The following ATRNL1 variants were observed in gnomAD, a reference collection of about 807,000 sequenced individuals.
ATRNL1 encodes the protein attractin-like protein 1.
Under a neutral mutation model 182.7 loss-of-function variants are expected in ATRNL1, and 95 were observed. The observed-to-expected ratio is 0.52, with a 90% CI of 0.44 to 0.62. The LOEUF (loss-of-function observed/expected upper bound fraction) is 0.62, where lower values mean the gene tolerates loss of function less well. Ranked by LOEUF, ATRNL1 falls within the 20% of genes least tolerant of loss-of-function variation. The pLI, the probability that ATRNL1 is intolerant of heterozygous loss-of-function variation, is 0.00. For synonymous variants in ATRNL1, 576 were observed against 568.3 expected, an observed-to-expected ratio of 1.01 and a Z score of -0.19; for missense variants, 1,471 against 1,679.5, an observed-to-expected ratio of 0.88 and a Z score of 2.17.
intron 24 of ATRNL1, among the ~76,000 whole-genome samples, chr10:115,508,297 T>TA (rs782342648): frequency 1.3e-5 from 2 of 151,994 alleles, no homozygotes; most frequent in African/African-American, 4.8e-5. Context: ...TCCATCTCCT[T>TA]AGGCCTCCTT....
chr10:115,869,523 T>C (rs1394650079), intron 28 of ATRNL1, among the ~76,000 whole-genome samples: 1 of 152,132 alleles, frequency 6.6e-6, no homozygotes, highest in Admixed American at 6.5e-5. Flanking sequence ...ATATTCCTTC[T>C]GGGAAAGGAG....
At chr10:115,804,730 T>G (rs1949879600) in intron 27 of ATRNL1, among the ~76,000 whole-genome samples, 1 of 152,142 alleles carries the variant, frequency 6.6e-6, no homozygotes, top group African/African-American at 2.4e-5. Flanking sequence ...TTTCAGTGGG[T>G]TGTAACATCA....
intron 28 of ATRNL1, among the ~76,000 whole-genome samples, chr10:115,863,908 A>C (rs1322855752): frequency 6.6e-6 from 1 of 152,204 alleles, no homozygotes; most frequent in Non-Finnish European, 1.5e-5. Flanking sequence ...TGTTAAAAGG[A>C]CTTAGGAGCC....
chr10:115,323,069 ATT>A (rs1294477100), intron 18 of ATRNL1, among the ~76,000 whole-genome samples: 1 of 151,846 alleles, frequency 6.6e-6, no homozygotes, highest in Non-Finnish European at 1.5e-5. Flanking sequence ...AATAATTTTT[ATT>A]TTCTTTTCTC....
chr10:115,308,428 A>T (rs1554926874), intron 17 of ATRNL1, among the ~76,000 whole-genome samples: 2 of 152,132 alleles, frequency 1.3e-5, no homozygotes, highest in Non-Finnish European at 2.9e-5. Flanking sequence ...ACTTGAGGAT[A>T]AGGTGTTATC....
intron 27 of ATRNL1, among the ~76,000 whole-genome samples, chr10:115,829,653 T>G (rs1476140006): frequency 1.3e-5 from 2 of 152,134 alleles, no homozygotes; most frequent in African/African-American, 4.8e-5. Context: ...TTCCAAGACC[T>G]TCTCTGTCTT....
At chr10:115,135,016 G>C (rs1389946075) in intron 5 of ATRNL1, among the ~76,000 whole-genome samples, 1 of 151,888 alleles carries the variant, frequency 6.6e-6, no homozygotes, top group Non-Finnish European at 1.5e-5. Flanking sequence ...CAATAAATTC[G>C]GTATTGATGG....
intron 26 of ATRNL1, among the ~76,000 whole-genome samples, chr10:115,621,280 G>GAT (rs1857746716): frequency 1.8e-5 from 1 of 55,242 alleles, no homozygotes; most frequent in Non-Finnish European, 3.6e-5. Context: ...TATATATAGA[G>GAT]AGAGAGAGAG....
intron 26 of ATRNL1, among the ~76,000 whole-genome samples, chr10:115,673,915 C>T (rs115149559): frequency 1.4e-3 from 218 of 152,064 alleles, no homozygotes; most frequent in African/African-American, 4.7e-3. Flanking sequence ...GGAAAATTCC[C>T]GCTCAGCATG....
intron 26 of ATRNL1, among the ~76,000 whole-genome samples, chr10:115,649,521 G>A (rs537204454): frequency 2.6e-5 from 4 of 152,050 alleles, no homozygotes; most frequent in South Asian, 2.1e-4. Context: ...CTTCTGTCCC[G>A]GTTCTATCCA....
intron 25 of ATRNL1, among the ~76,000 whole-genome samples, chr10:115,521,010 T>TA (rs1389755735): frequency 1.3e-5 from 2 of 152,360 alleles, no homozygotes; most frequent in East Asian, 3.9e-4. Flanking sequence ...TAAATATGTT[T>TA]AATATTTTAC....
At chr10:115,885,897 T>C (rs1397726910) in intron 28 of ATRNL1, among the ~76,000 whole-genome samples, 3 of 152,216 alleles carry the variant, frequency 2.0e-5, no homozygotes, top group Admixed American at 6.5e-5. Context: ...CTATTCACCA[T>C]GTGAGGGTTC....
chr10:115,223,499 T>C (rs1209512702), intron 9 of ATRNL1, among the ~76,000 whole-genome samples: 1 of 151,994 alleles, frequency 6.6e-6, no homozygotes, highest in Non-Finnish European at 1.5e-5. Flanking sequence ...AATGTAAAAT[T>C]GACCAAACAC....
At chr10:115,932,232 G>A (rs1299559061) in intron 28 of ATRNL1, among the ~76,000 whole-genome samples, 10 of 152,168 alleles carry the variant, frequency 6.6e-5, no homozygotes, top group East Asian at 3.9e-4. Flanking sequence ...TTAATCAAAC[G>A]ACTTTCCAAA....
intron 9 of ATRNL1, among the ~76,000 whole-genome samples, chr10:115,217,892 ATTC>A (rs1849292720): frequency 6.6e-6 from 1 of 152,054 alleles, no homozygotes; most frequent in Non-Finnish European, 1.5e-5. Context: ...AATTTGTAGT[ATTC>A]TTTAAGCTTA....
intron 19 of ATRNL1, among the ~76,000 whole-genome samples, chr10:115,350,258 C>T (rs1399564598): frequency 2.2e-5 from 3 of 138,548 alleles, no homozygotes; most frequent in Non-Finnish European, 3.0e-5. Flanking sequence ...ATCACTTGAA[C>T]CCGGGAGGCG....
chr10:115,571,657 G>A (rs996075051), intron 26 of ATRNL1, among the ~76,000 whole-genome samples: 5 of 152,008 alleles, frequency 3.3e-5, no homozygotes, highest in Non-Finnish European at 5.9e-5. Flanking sequence ...ATTTTATAAA[G>A]GGTTTGTGAC....
At chr10:115,556,631 G>A (rs528555869) in intron 26 of ATRNL1, among the ~76,000 whole-genome samples, 20 of 152,146 alleles carry the variant, frequency 1.3e-4, no homozygotes, top group South Asian at 2.1e-4. Context: ...TTCTTTATAA[G>A]GTGTTTAGTA....
chr10:115,934,204 C>A (rs1953487403), intron 28 of ATRNL1, among the ~76,000 whole-genome samples: 1 of 152,144 alleles, frequency 6.6e-6, no homozygotes, highest in Non-Finnish European at 1.5e-5. Flanking sequence ...CATCCCCTTC[C>A]AGACAGCCTG....
Sources: allele counts gnomAD v4.1 joint callset (sites outside exome capture counted in the v4.1 genomes callset), GRCh38; gene constraint gnomAD v4.1.1; transcripts MANE v1.5; gene names NCBI Gene and HGNC (gene_info 2026-07-23, HGNC 2026-07-21).